Variants in TENM3 observed in about 807,000 individuals in gnomAD.
The protein encoded by TENM3 is teneurin transmembrane protein 3.
TENM3 carries 63 observed loss-of-function variants against 255.1 expected under a neutral mutation model. The observed-to-expected ratio is 0.25, with a 90% CI of 0.20 to 0.30. TENM3 has a LOEUF of 0.30. Ranked by LOEUF, TENM3 falls within the 10% of genes least tolerant of loss-of-function variation. TENM3 has a pLI of 1.00. For synonymous variants in TENM3, 1,306 were observed against 1,322.3 expected, an observed-to-expected ratio of 0.99 and a Z score of 0.27; for missense variants, 2,929 against 3,461.1, an observed-to-expected ratio of 0.85 and a Z score of 3.86.
the TENM3 span, among the ~76,000 whole-genome samples, chr4:181,916,813 G>A: frequency 6.6e-6 from 1 of 152,104 alleles, no homozygotes; most frequent in Non-Finnish European, 1.5e-5. Context: ...GGAGGCAGAG[G>A]TTGCAGTGGC....
At chr4:181,646,391 C>T in the TENM3 span, among the ~76,000 whole-genome samples, 1 of 151,976 alleles carries the variant, frequency 6.6e-6, no homozygotes, top group East Asian at 1.9e-4. Context: ...GTGTGGTGAT[C>T]TGAAGGGAAA....
chr4:182,522,701 C>T (rs972083205), intron 3 of TENM3, among the ~76,000 whole-genome samples: 1 of 152,218 alleles, frequency 6.6e-6, no homozygotes, highest in Non-Finnish European at 1.5e-5. Context: ...TCTTTATCCA[C>T]TTATCTGTTG....
At chr4:182,473,931 C>A (rs1402167862) in intron 3 of TENM3, among the ~76,000 whole-genome samples, 1 of 152,018 alleles carries the variant, frequency 6.6e-6, no homozygotes, top group Non-Finnish European at 1.5e-5. Flanking sequence ...GCACTCCAGC[C>A]TGGGCCACAA....
Position 182,792,993 on chromosome 4 carries a change from T to C in TENM3, c.6321T>C (p.Asp2107=). ...TGTACTGGATTACAATTCAGTATGA[T>C]AACATGGGTCGGGTAACCAAGAGAG... The part of the protein sequence containing the change: ...SLMYWITIQY[D]NMGRVTKREI... The change falls in exon 26 of 28, where the codon GAT becomes GAC. Residue 2107 remains aspartate, a synonymous_variant. Coordinates refer to ENST00000511685, the MANE Select transcript of TENM3 (RefSeq NM_001080477.4). The surrounding 1 kb of genome is among the most constrained non-coding windows in gnomAD (Gnocchi z 6.3). 1 of 1,613,942 alleles carries C rather than the reference T, an allele frequency of 6.2e-7. No individual in the cohort carries two copies.
chr4:182,511,716 A>G (rs1213788341), intron 3 of TENM3, among the ~76,000 whole-genome samples: 2 of 152,184 alleles, frequency 1.3e-5, no homozygotes, highest in Non-Finnish European at 2.9e-5. Context: ...AAAATCAGTA[A>G]CATAATTTTC....
chr4:182,433,858 G>A lies in TENM3; in HGVS notation c.511+86929G>A, dbSNP rs73869989. Among the ~76,000 whole-genome samples, 886 of 152,248 alleles carry A rather than the reference G, an allele frequency of 5.8e-3. 7 individuals carry two copies. Among genetic ancestry groups the A allele is most frequent in the African/African-American group, 0.02 (840 of 41,548 alleles). On this transcript the variant is annotated intron_variant, in intron 3 of 27. Coordinates refer to ENST00000511685, the MANE Select transcript of TENM3 (RefSeq NM_001080477.4). Reference sequence around the variant, plus strand: ...CTGGGTGGCGTGATGGCTCATGCCTGTAATCCCAGCTCTTTGGGAGACCAA... The same window carrying A: ...CTGGGTGGCGTGATGGCTCATGCCTATAATCCCAGCTCTTTGGGAGACCAA...
chr4:181,570,839 G>A, the TENM3 span, among the ~76,000 whole-genome samples: 1 of 152,172 alleles, frequency 6.6e-6, no homozygotes, highest in African/African-American at 2.4e-5. Flanking sequence ...AAGGGAAAAG[G>A]GGATGGAGCG....
chr4:181,716,332 A>G, the TENM3 span, among the ~76,000 whole-genome samples: 2 of 152,232 alleles, frequency 1.3e-5, no homozygotes, highest in Non-Finnish European at 1.5e-5. Flanking sequence ...TATATCCAAA[A>G]TATTATTTAA....
the TENM3 span, among the ~76,000 whole-genome samples, chr4:181,839,369 A>G: frequency 2.8e-5 from 2 of 70,512 alleles, no homozygotes; most frequent in African/African-American, 1.0e-4. Context: ...ATATATATAT[A>G]TATATATATA....
chr4:182,199,786 C>A (rs937682615), intron 1 of TENM3, among the ~76,000 whole-genome samples: 1 of 134,994 alleles, frequency 7.4e-6, no homozygotes, highest in South Asian at 2.4e-4. Context: ...AGTGCAGTGG[C>A]GCAATCACAG....
chr4:181,842,833 T>C, the TENM3 span, among the ~76,000 whole-genome samples: 1 of 152,238 alleles, frequency 6.6e-6, no homozygotes, highest in Non-Finnish European at 1.5e-5. Context: ...TAGTATACAT[T>C]TGCATCTTTC....
chr4:182,622,969 ATTTG>A (rs1406113213), intron 4 of TENM3, among the ~76,000 whole-genome samples: 4 of 151,356 alleles, frequency 2.6e-5, no homozygotes, highest in East Asian at 1.9e-4. Context: ...TTTTAAAAAT[ATTTG>A]TTTATGTTTT....
In TENM3 at chr4:182,731,233, C is replaced by T. The variant is rs138935844; in HGVS notation, c.2967+94C>T. The T allele has an allele frequency of 1.2e-3, 1,495 of 1,285,620 alleles. 16 individuals are homozygous for T. Among genetic ancestry groups the T allele is most frequent in the East Asian group, 5.1e-3 (211 of 41,630 alleles). The allele number at this position is 1,285,620 out of a possible 1,614,324, so 79.6% of individuals were successfully genotyped here. On this transcript the variant is annotated intron_variant, in intron 16 of 27. Coordinates refer to ENST00000511685, the MANE Select transcript of TENM3 (RefSeq NM_001080477.4). ...AAAAATAGGTTATAGAGTCCGGGCA[C>T]GGTGGCTCACTCCTGTAATCCCAGC...
rs971574677 is a variant in TENM3 at position 182,613,643 on chromosome 4, C to T, written c.749+12482C>T. ...TATATTTCCCCCAATCTTCTTAACA[C>T]TCTCTAGAATTTTAGCTCCCAATTT... is the stretch of plus-strand genomic sequence containing the variant. On this transcript the variant is annotated intron_variant, in intron 4 of 27. Transcript: ENST00000511685. Among the ~76,000 whole-genome samples, 8 of 152,268 alleles carry T rather than the reference C, an allele frequency of 5.3e-5. No homozygotes were observed. In the East Asian group the frequency reaches 1.5e-3, roughly 29 times the overall value.
chr4:181,662,013 G>T, the TENM3 span, among the ~76,000 whole-genome samples: 3 of 151,998 alleles, frequency 2.0e-5, no homozygotes, highest in Non-Finnish European at 4.4e-5. Flanking sequence ...AATTCTTCAT[G>T]TAGTAACATC....
the TENM3 span, among the ~76,000 whole-genome samples, chr4:181,735,593 A>G: frequency 6.6e-6 from 1 of 152,216 alleles, no homozygotes; most frequent in African/African-American, 2.4e-5. Flanking sequence ...TTAAAACTAA[A>G]TAATAAAATG....
At chr4:181,605,258 A>G in the TENM3 span, among the ~76,000 whole-genome samples, 1 of 151,868 alleles carries the variant, frequency 6.6e-6, no homozygotes, top group Non-Finnish European at 1.5e-5. Context: ...ATCCTGGCTA[A>G]CATGGTGAAA....
chr4:182,151,240 A>G (rs748524195), intron 1 of TENM3, among the ~76,000 whole-genome samples: 40 of 152,266 alleles, frequency 2.6e-4, no homozygotes, highest in Non-Finnish European at 5.4e-4. Context: ...GAATTATTAG[A>G]ATATACTTTA....
chr4:181,740,053 C>T, the TENM3 span, among the ~76,000 whole-genome samples: 1 of 152,130 alleles, frequency 6.6e-6, no homozygotes, highest in Admixed American at 6.5e-5. Context: ...CACCTAATCC[C>T]CAGCCTCAAC....
Sources: gnomAD v4.1 joint callset for allele counts (sites outside exome capture counted in the v4.1 genomes callset) on GRCh38, gnomAD v4.1.1 for gene constraint, Gnocchi (gnomAD v3.1) non-coding constraint, MANE v1.5 for transcripts, NCBI Gene and HGNC (gene_info 2026-07-23, HGNC 2026-07-21) for gene names.